ANKFN1: variants seen among roughly 807,000 people sequenced by gnomAD.
ANKFN1 encodes the protein ankyrin repeat and fibronectin type-III domain-containing protein 1.
In ANKFN1, 74 loss-of-function variants were observed where a neutral mutation model predicts 108.7. That is an observed-to-expected ratio of 0.68 (90% CI 0.56 to 0.83). ANKFN1 has a LOEUF of 0.83. Among genes scored for constraint, ANKFN1 ranks in the 40% least tolerant of loss-of-function variants. The pLI, the probability that ANKFN1 is intolerant of heterozygous loss-of-function variation, is 0.00. For missense variants in ANKFN1, 1,505 were observed against 1,382.3 expected (o/e 1.09, Z -1.41); for synonymous variants, 547 against 516.2 (o/e 1.06, Z -0.81).
At chr17:56,218,802 GA>G (rs1199180598) in intron 2 of ANKFN1, among the ~76,000 whole-genome samples, 4 of 152,084 alleles carry the variant, frequency 2.6e-5, no homozygotes, top group Admixed American at 2.6e-4. Flanking sequence ...TACAAGTTCT[GA>G]AAAAAGACTG....
intron 3 of ANKFN1, among the ~76,000 whole-genome samples, chr17:56,246,699 T>TA (rs1010458495): frequency 5.9e-5 from 9 of 151,526 alleles, no homozygotes; most frequent in African/African-American, 1.9e-4. Context: ...TACAATTCCA[T>TA]AAAAAAACAA....
At position 56,128,511 on chromosome 17, in the gene ANKFN1, A is replaced by G. The variant is rs536020608; in HGVS notation, c.288+82186A>G. Among the ~76,000 whole-genome samples, 12 of 152,256 alleles carry G rather than the reference A, an allele frequency of 7.9e-5. No individual in the cohort carries two copies. In the East Asian group the frequency reaches 2.3e-3, roughly 29 times the overall value. On this transcript the variant is annotated intron_variant, in intron 4 of 12. Coordinates refer to the ANKFN1 transcript ENST00000635860. Reference sequence around the variant, plus strand: ...AGTATAGGGTGTTCTGTTCTGTAACAATGTCCTGGTTTTTAGCCCTGCAAG... The same window carrying G: ...AGTATAGGGTGTTCTGTTCTGTAACGATGTCCTGGTTTTTAGCCCTGCAAG...
chr17:56,102,068 A>C (rs1320885436), intron 4 of ANKFN1, among the ~76,000 whole-genome samples: 2 of 152,232 alleles, frequency 1.3e-5, no homozygotes, highest in African/African-American at 4.8e-5. Context: ...GTACCCCTGG[A>C]AACCCACCTC....
At chr17:56,499,276 C>T (rs2051294179) in intron 20 of ANKFN1, among the ~76,000 whole-genome samples, 178 bp downstream of exon 20, 1 of 152,092 alleles carries the variant, frequency 6.6e-6, no homozygotes, top group Admixed American at 6.5e-5. Flanking sequence ...AATAGGAAAA[C>T]TAGAGCAGTA....
chr17:56,466,229 C>CAAA (rs57013545), intron 14 of ANKFN1, 127 bp from the exon 15 acceptor site: 8 of 703,838 alleles, frequency 1.1e-5, no homozygotes, highest in Middle Eastern at 3.1e-4. Flanking sequence ...GGTTTAAGTG[C>CAAA]AAAAAAAAAA....
chr17:56,469,147 G>C (rs770794638), intron 15 of ANKFN1, among the ~76,000 whole-genome samples: 1 of 152,034 alleles, frequency 6.6e-6, no homozygotes, highest in Non-Finnish European at 1.5e-5. Flanking sequence ...AGGCAGGATC[G>C]GGTTTCCACA....
intron 8 of ANKFN1, among the ~76,000 whole-genome samples, chr17:56,386,509 CTT>C (rs1257086280): frequency 6.7e-6 from 1 of 148,300 alleles, no homozygotes; most frequent in Non-Finnish European, 1.5e-5. Context: ...AAAAGAAAAA[CTT>C]TAATTGGCTG....
intron 20 of ANKFN1, among the ~76,000 whole-genome samples, chr17:56,504,405 T>G (rs1598734717): frequency 6.6e-6 from 1 of 152,154 alleles, no homozygotes. Flanking sequence ...TTCTGGGAGC[T>G]ACAGGAAATC....
intron 3 of ANKFN1, among the ~76,000 whole-genome samples, chr17:56,246,669 T>G (rs1917977344): frequency 2.0e-5 from 3 of 152,128 alleles, no homozygotes; most frequent in African/African-American, 7.2e-5. Flanking sequence ...TTGATTTGGC[T>G]GATGTCATAT....
intron 4 of ANKFN1, among the ~76,000 whole-genome samples, chr17:56,105,479 A>G (rs1435627409): frequency 6.6e-6 from 1 of 150,960 alleles, no homozygotes; most frequent in Non-Finnish European, 1.5e-5. Flanking sequence ...CCTTCCTTCC[A>G]TCCTTCCTTT....
At chr17:56,423,837 C>G (rs2048479884) in intron 8 of ANKFN1, among the ~76,000 whole-genome samples, 1 of 152,190 alleles carries the variant, frequency 6.6e-6, no homozygotes, top group Non-Finnish European at 1.5e-5. Flanking sequence ...CATCTGCATG[C>G]TGGGCTATGA....
Position 56,511,297 on chromosome 17 carries a change from C to A in ANKFN1, c.*28C>A. The stretch of plus-strand genomic sequence containing the variant: ...AGGCCCATCCCGGCTGTCCACCCCT[C>A]CATGGCTGCTACCTGCGTTTTACAT... On this transcript the variant is annotated 3_prime_UTR_variant, in exon 21 of 21. Transcript: ENST00000682825. 1 of 1,485,124 alleles carries A rather than the reference C, an allele frequency of 6.7e-7. No homozygotes were observed. Among genetic ancestry groups the A allele is most frequent in the Non-Finnish European group, 8.9e-7 (1 of 1,118,318 alleles). The allele number at this position is 1,485,124 out of a possible 1,614,324, so 92.0% of individuals were successfully genotyped here.
intron 4 of ANKFN1, among the ~76,000 whole-genome samples, chr17:56,144,014 A>G (rs1215558291): frequency 1.3e-5 from 2 of 152,094 alleles, no homozygotes; most frequent in Non-Finnish European, 2.9e-5. Context: ...ACCCTAGCAA[A>G]CTGATCACTT....
At chr17:56,084,935 C>T (rs553471688) in intron 4 of ANKFN1, among the ~76,000 whole-genome samples, 4 of 150,704 alleles carry the variant, frequency 2.7e-5, no homozygotes, top group Non-Finnish European at 5.9e-5. Flanking sequence ...ACTGTGAAGT[C>T]GGGAGCCTCA....
At chr17:56,467,932 A>G (rs891382394) in intron 15 of ANKFN1, among the ~76,000 whole-genome samples, 1 of 152,224 alleles carries the variant, frequency 6.6e-6, no homozygotes, top group Non-Finnish European at 1.5e-5. Context: ...TAGTGAAGCT[A>G]ATGAAGCTTT....
chr17:56,230,230 C>T (rs184534688), intron 3 of ANKFN1, among the ~76,000 whole-genome samples: 16 of 152,090 alleles, frequency 1.1e-4, no homozygotes, highest in Admixed American at 5.9e-4. Context: ...TAAGGCTGGG[C>T]GATGGAAGGA....
chr17:56,259,591 A>G (rs943396926), intron 3 of ANKFN1, among the ~76,000 whole-genome samples: 2 of 152,084 alleles, frequency 1.3e-5, no homozygotes, highest in Non-Finnish European at 2.9e-5. Flanking sequence ...ATAAGCTACT[A>G]TGAGATTCAG....
At chr17:56,213,628 G>T (rs531367867) in intron 2 of ANKFN1, among the ~76,000 whole-genome samples, 1 of 152,064 alleles carries the variant, frequency 6.6e-6, no homozygotes, top group African/African-American at 2.4e-5. Context: ...TATGTACCAG[G>T]TGCCATCCTA....
intron 2 of ANKFN1, among the ~76,000 whole-genome samples, chr17:56,215,288 T>C (rs1915341453): frequency 6.6e-6 from 1 of 152,246 alleles, no homozygotes; most frequent in East Asian, 1.9e-4. Context: ...AGCTGTGACT[T>C]TGGGCATTGT....
Sources: gnomAD v4.1 joint callset for allele counts (sites outside exome capture counted in the v4.1 genomes callset) on GRCh38, gnomAD v4.1.1 for gene constraint, MANE v1.5 for transcripts, NCBI Gene and HGNC (gene_info 2026-07-23, HGNC 2026-07-21) for gene names.